The following LPP variants were observed in gnomAD, a reference collection of about 807,000 sequenced individuals.
LPP encodes LIM domain containing preferred translocation partner in lipoma, also known as lipoma-preferred partner.
In LPP, 38 loss-of-function variants were observed where a neutral mutation model predicts 60.4. The observed-to-expected ratio is 0.63, with a 90% CI of 0.49 to 0.83. The LOEUF (loss-of-function observed/expected upper bound fraction) is 0.83. Ranked by LOEUF, LPP falls within the 40% of genes least tolerant of loss-of-function variation. The pLI is 0.00. For missense variants in LPP, 902 were observed against 783.6 expected, an observed-to-expected ratio of 1.15 and a Z score of -1.80; for synonymous variants, 328 against 290.8, an observed-to-expected ratio of 1.13 and a Z score of -1.30.
Position 188,572,043 on chromosome 3 carries a change from TATTA to T in LPP, c.430-37116_430-37113del, listed in dbSNP as rs1833663536. Among the ~76,000 whole-genome samples the T allele has an allele frequency of 6.6e-6, 1 of 152,086 alleles. No homozygotes were observed. The highest frequency in any genetic ancestry group is 1.5e-5 in the Non-Finnish European group (1 of 68,002). On this transcript the variant is annotated intron_variant, in intron 6 of 11. Transcript: ENST00000617246. This position sits in a 1 kb window ranked among gnomAD's most constrained non-coding sequence, Gnocchi z 4.1. ...TGGAGTCAATAGTGGACCCCTTTTT[TATTA>T]AGACTCTTGATGGCCCAGAGGTCAG...
intron 4 of LPP, among the ~76,000 whole-genome samples, chr3:188,464,888 A>G (rs1289189404): frequency 6.6e-6 from 1 of 151,650 alleles, no homozygotes; most frequent in Non-Finnish European, 1.5e-5. Flanking sequence ...TGAGTCCCTT[A>G]AATGTTAGGG....
intron 6 of LPP, among the ~76,000 whole-genome samples, chr3:188,534,913 G>C (rs534319615): frequency 1.3e-5 from 2 of 152,180 alleles, no homozygotes; most frequent in South Asian, 4.1e-4. Context: ...TCACACTATG[G>C]AAAAATTACC....
At chr3:188,389,681 C>T (rs935263167) in intron 3 of LPP, among the ~76,000 whole-genome samples, 8 of 144,370 alleles carry the variant, frequency 5.5e-5, no homozygotes, top group Non-Finnish European at 1.2e-4. Context: ...GAGGCTGAGG[C>T]AGGAGAATCA....
intron 7 of LPP, among the ~76,000 whole-genome samples, chr3:188,616,633 G>T (rs1844906394): frequency 6.6e-6 from 1 of 151,596 alleles, no homozygotes; most frequent in South Asian, 2.1e-4. Flanking sequence ...GTTTGTTGTT[G>T]TCCACAAAAT....
intron 5 of LPP, among the ~76,000 whole-genome samples, chr3:188,509,483 CAG>C (rs1814558486): frequency 6.6e-6 from 1 of 152,092 alleles, no homozygotes. Flanking sequence ...TTGGCACTGA[CAG>C]AGTTTGCAGT....
chr3:188,260,834 A>G (rs1733358319), intron 2 of LPP, among the ~76,000 whole-genome samples: 1 of 152,132 alleles, frequency 6.6e-6, no homozygotes, highest in Admixed American at 6.5e-5. Context: ...GGAGTTTGAG[A>G]GCAGCCTGAC....
intron 11 of LPP, 89 bp from the exon 12 acceptor site, chr3:188,874,262 C>T: frequency 2.3e-6 from 3 of 1,286,488 alleles, no homozygotes; most frequent in Non-Finnish European, 3.2e-6. Context: ...ATTATGGAGG[C>T]CTTGAATAGA....
rs374075751 is a variant in LPP at position 188,496,697 on chromosome 3, A to T, written c.306+11993A>T. ...TTTATATTCATTTTTAGTGAAGGAA[A>T]CAAAACAGCAGTTGTCACTTTCCTT... On this transcript the variant is annotated intron_variant, in intron 5 of 11. Coordinates refer to ENST00000617246, the MANE Select transcript of LPP (RefSeq NM_001375462.1). Among the ~76,000 whole-genome samples, 107 of 152,292 alleles carry T rather than the reference A, an allele frequency of 7.0e-4. 5 individuals carry two copies. The South Asian group carries it at 0.021, about 30-fold the overall frequency.
intron 7 of LPP, among the ~76,000 whole-genome samples, chr3:188,611,016 T>C (rs1843601252): frequency 6.6e-6 from 1 of 152,238 alleles, no homozygotes; most frequent in Non-Finnish European, 1.5e-5. Flanking sequence ...AAGACAGATC[T>C]ATTCACATAT....
At chr3:188,727,513 TTTGATA>T (rs1229306110) in intron 8 of LPP, among the ~76,000 whole-genome samples, 2 of 152,172 alleles carry the variant, frequency 1.3e-5, no homozygotes, top group African/African-American at 4.8e-5. Flanking sequence ...TTAAAATAAC[TTTGATA>T]TTTATTTCAT....
At chr3:188,524,848 A>C in intron 6 of LPP, 61 bp downstream of exon 6, 1 of 1,536,670 alleles carries the variant, frequency 6.5e-7, no homozygotes. Flanking sequence ...TCTTATCAGA[A>C]AGAACATGCT....
chr3:188,661,870 T>A (rs1403368281), intron 7 of LPP, among the ~76,000 whole-genome samples: 1 of 152,194 alleles, frequency 6.6e-6, no homozygotes, highest in African/African-American at 2.4e-5. Flanking sequence ...CATTTTTCTT[T>A]CATTCATTTA....
intron 9 of LPP, among the ~76,000 whole-genome samples, chr3:188,835,999 T>C (rs1198523884): frequency 6.6e-6 from 1 of 152,214 alleles, no homozygotes; most frequent in Non-Finnish European, 1.5e-5. Context: ...TGTGAATACC[T>C]GTCAGCCAGG....
intron 7 of LPP, among the ~76,000 whole-genome samples, chr3:188,614,913 C>A (rs1023829954): frequency 5.9e-5 from 9 of 152,148 alleles, no homozygotes; most frequent in African/African-American, 2.2e-4. Flanking sequence ...TGCCTTAGAG[C>A]TATACTTCCC....
chr3:188,688,432 A>G (rs990585521), intron 7 of LPP, among the ~76,000 whole-genome samples: 4 of 152,230 alleles, frequency 2.6e-5, no homozygotes, highest in Admixed American at 1.3e-4. Flanking sequence ...TTATGCAGAT[A>G]TATCCCTTCT....
At chr3:188,568,228 A>G (rs918258902) in intron 6 of LPP, 1 of 152,014 alleles carries the variant, frequency 6.6e-6, no homozygotes, top group Non-Finnish European at 1.5e-5. Flanking sequence ...ATTATTGAGC[A>G]ACTTGTAGGT....
At chr3:188,243,250 A>G (rs1725630531) in intron 2 of LPP, among the ~76,000 whole-genome samples, 2 of 152,216 alleles carry the variant, frequency 1.3e-5, no homozygotes, top group Non-Finnish European at 2.9e-5. Context: ...CACACTGTAA[A>G]ACAAACTAGT....
intron 2 of LPP, among the ~76,000 whole-genome samples, chr3:188,284,761 G>C (rs1743340744): frequency 6.6e-6 from 1 of 152,186 alleles, no homozygotes; most frequent in South Asian, 2.1e-4. Flanking sequence ...ATGACTGCGA[G>C]AGACAAAAAC....
intron 5 of LPP, among the ~76,000 whole-genome samples, chr3:188,494,840 G>A (rs1809469007): frequency 6.6e-6 from 1 of 151,568 alleles, no homozygotes; most frequent in African/African-American, 2.4e-5. Flanking sequence ...CTGTAAAATG[G>A]GTGATTGATT....
Sources: allele counts gnomAD v4.1 joint callset (sites outside exome capture counted in the v4.1 genomes callset), GRCh38; gene constraint gnomAD v4.1.1; non-coding constraint Gnocchi (gnomAD v3.1); transcripts MANE v1.5; gene names NCBI Gene and HGNC (gene_info 2026-07-23, HGNC 2026-07-21).